Variants in TENM3 observed in about 807,000 individuals in gnomAD.
TENM3 encodes teneurin-3.
Under a neutral mutation model 255.1 loss-of-function variants are expected in TENM3, and 63 were observed. That is an observed-to-expected ratio of 0.25 (90% confidence interval 0.20 to 0.30). TENM3 has a LOEUF of 0.30. Among genes scored for constraint, TENM3 ranks in the 10% least tolerant of loss-of-function variants. TENM3 has a pLI of 1.00. For synonymous variants in TENM3, 1,306 were observed against 1,322.3 expected (o/e 0.99, Z 0.27); for missense variants, 2,929 against 3,461.1 (o/e 0.85, Z 3.86).
At chr4:181,783,242 T>A in the TENM3 span, among the ~76,000 whole-genome samples, 4 of 152,216 alleles carry the variant, frequency 2.6e-5, no homozygotes, top group East Asian at 7.7e-4. Flanking sequence ...CCCATTATTA[T>A]TGTGTGGGAG....
At chr4:182,346,622 A>T in intron 2 of TENM3, 29 bp from the exon 3 acceptor site, 3 of 1,581,390 alleles carry the variant, frequency 1.9e-6, no homozygotes, top group South Asian at 2.2e-5. Flanking sequence ...TATACTCACT[A>T]GTTGTTATCT....
the TENM3 span, among the ~76,000 whole-genome samples, chr4:181,756,085 T>G: frequency 6.6e-6 from 1 of 152,114 alleles, no homozygotes; most frequent in Non-Finnish European, 1.5e-5. Flanking sequence ...AGAAGTGGGC[T>G]CTCCTAATTT....
At chr4:182,291,820 G>A (rs968559507) in intron 1 of TENM3, among the ~76,000 whole-genome samples, 15 of 152,206 alleles carry the variant, frequency 9.9e-5, no homozygotes, top group Middle Eastern at 3.4e-3. Flanking sequence ...CAGTGGGGTC[G>A]CGTTCCCATG....
chr4:182,329,216 T>C (rs1378797747), intron 2 of TENM3, among the ~76,000 whole-genome samples: 1 of 152,152 alleles, frequency 6.6e-6, no homozygotes, highest in African/African-American at 2.4e-5. Flanking sequence ...GCGCAAGTGT[T>C]TTCCGCTTTG....
chr4:182,254,689 C>A (rs549247572), intron 1 of TENM3, among the ~76,000 whole-genome samples: 1 of 152,156 alleles, frequency 6.6e-6, no homozygotes, highest in South Asian at 2.1e-4. Context: ...TGTGAGAAGT[C>A]TTTTATTTCT....
the TENM3 span, among the ~76,000 whole-genome samples, chr4:181,703,442 G>C: frequency 6.6e-6 from 1 of 152,314 alleles, no homozygotes; most frequent in South Asian, 2.1e-4. Context: ...GTTGCATACA[G>C]ATCTAAGAGG....
chr4:182,480,886 A>G (rs1256811433), intron 3 of TENM3, among the ~76,000 whole-genome samples: 1 of 152,154 alleles, frequency 6.6e-6, no homozygotes, highest in Non-Finnish European at 1.5e-5. Flanking sequence ...TTCAGGGAAC[A>G]GAGAATTGGG....
In TENM3 at chr4:182,450,969, A is replaced by G. The variant is rs576360849; in HGVS notation, c.511+104040A>G. On this transcript the variant is annotated intron_variant, in intron 3 of 27. Coordinates refer to ENST00000511685, the MANE Select transcript of TENM3 (RefSeq NM_001080477.4). Reference sequence around the variant, plus strand: ...AATGACTAGTTTCTTAACCTGTTGTATTGATCATTAATAAGATGTGAATGG... The same window carrying G: ...AATGACTAGTTTCTTAACCTGTTGTGTTGATCATTAATAAGATGTGAATGG... 1.8e-4 allele frequency among the ~76,000 whole-genome samples: 28 copies of G among 152,344 alleles called. 2 individuals carry two copies. The Middle Eastern group carries it at 0.01, about 56-fold the overall frequency.
chr4:182,609,190 G>A (rs1170321063), intron 4 of TENM3, among the ~76,000 whole-genome samples: 1 of 152,172 alleles, frequency 6.6e-6, no homozygotes, highest in Non-Finnish European at 1.5e-5. Flanking sequence ...GACTGGGTCT[G>A]CTATGCAGTC....
the TENM3 span, among the ~76,000 whole-genome samples, chr4:181,552,525 C>T: frequency 2.0e-5 from 3 of 152,194 alleles, no homozygotes; most frequent in East Asian, 1.9e-4. Context: ...TCAAAGCACT[C>T]ACTATAAAGT....
the TENM3 span, among the ~76,000 whole-genome samples, chr4:181,961,655 G>C: frequency 6.6e-6 from 1 of 152,002 alleles, no homozygotes; most frequent in Admixed American, 6.6e-5. Flanking sequence ...TCCTGACCTC[G>C]TGATCCACCC....
At chr4:182,316,268 G>C (rs1762743114) in intron 1 of TENM3, among the ~76,000 whole-genome samples, 1 of 152,156 alleles carries the variant, frequency 6.6e-6, no homozygotes, top group East Asian at 1.9e-4. Context: ...AGTTTTGCTA[G>C]GTAGAACCAG....
chr4:182,131,580 T>C, the TENM3 span, among the ~76,000 whole-genome samples: 1 of 152,200 alleles, frequency 6.6e-6, no homozygotes, highest in Admixed American at 6.5e-5. Flanking sequence ...TTATTTTAAA[T>C]GCTGCCTGTA....
At chr4:182,007,986 T>C in the TENM3 span, among the ~76,000 whole-genome samples, 8 of 152,312 alleles carry the variant, frequency 5.3e-5, no homozygotes, top group East Asian at 1.5e-3. Flanking sequence ...TTATGAAGCT[T>C]AGTTTGGCTG....
At chr4:181,585,519 G>A in the TENM3 span, among the ~76,000 whole-genome samples, 1 of 152,198 alleles carries the variant, frequency 6.6e-6, no homozygotes, top group East Asian at 1.9e-4. Context: ...ACTAAAAAAT[G>A]AGACTATTTA....
At chr4:181,984,741 A>C in the TENM3 span, among the ~76,000 whole-genome samples, 1 of 151,868 alleles carries the variant, frequency 6.6e-6, no homozygotes, top group Admixed American at 6.6e-5. Context: ...TAAAAGAAAT[A>C]CCAAAATCTC....
chr4:182,450,705 A>C (rs553959074), intron 3 of TENM3, among the ~76,000 whole-genome samples: 1 of 152,362 alleles, frequency 6.6e-6, no homozygotes, highest in Admixed American at 6.5e-5. Flanking sequence ...AAGCTTTAAA[A>C]AATTGGCTGT....
At chr4:182,761,493 C>T (rs1323985775) in intron 22 of TENM3, among the ~76,000 whole-genome samples, 1 of 152,064 alleles carries the variant, frequency 6.6e-6, no homozygotes. Context: ...CTTTGATAAG[C>T]ATCTGCCATC....
At chr4:181,585,003 CAAA>C in the TENM3 span, among the ~76,000 whole-genome samples, 8 of 134,784 alleles carry the variant, frequency 5.9e-5, no homozygotes, top group Non-Finnish European at 6.3e-5. Flanking sequence ...TATCCAGTGG[CAAA>C]AAAAAAAAAA....
Sources: allele counts gnomAD v4.1 joint callset (sites outside exome capture counted in the v4.1 genomes callset), GRCh38; gene constraint gnomAD v4.1.1; transcripts MANE v1.5; gene names NCBI Gene and HGNC (gene_info 2026-07-23, HGNC 2026-07-21).